The following ASXL2 variants were observed in gnomAD, a reference collection of about 807,000 sequenced individuals.
ASXL2 encodes the protein putative Polycomb group protein ASXL2.
ASXL2 carries 23 observed loss-of-function variants against 122.0 expected under a neutral mutation model. The ratio of observed to expected loss-of-function variants is 0.19; its 90% confidence interval spans 0.14 to 0.27. The LOEUF is 0.27. Ranked by LOEUF, ASXL2 falls within the 10% of genes least tolerant of loss-of-function variation. The pLI, the probability that ASXL2 is intolerant of heterozygous loss-of-function variation, is 1.00. For missense variants in ASXL2, 1,518 were observed against 1,713.8 expected, an observed-to-expected ratio of 0.89 and a Z score of 2.02; for synonymous variants, 650 against 637.0, an observed-to-expected ratio of 1.02 and a Z score of -0.31.
At chr2:25,868,553 A>C (rs1001232604) in intron 1 of ASXL2, among the ~76,000 whole-genome samples, 1 of 152,214 alleles carries the variant, frequency 6.6e-6, no homozygotes, top group Non-Finnish European at 1.5e-5. Context: ...GCAAGGTCAG[A>C]CTTAAGAATT....
At chr2:25,777,075 T>A (rs1168359776) in intron 5 of ASXL2, among the ~76,000 whole-genome samples, 1 of 152,166 alleles carries the variant, frequency 6.6e-6, no homozygotes, top group Admixed American at 6.5e-5. Context: ...TAACTACTAC[T>A]CTAACTTTTA....
chr2:25,870,248 G>A (rs926962375), intron 1 of ASXL2, among the ~76,000 whole-genome samples: 1 of 152,090 alleles, frequency 6.6e-6, no homozygotes, highest in Admixed American at 6.6e-5. Flanking sequence ...CCTGGTGGCC[G>A]GCGCAGTGGC....
intron 8 of ASXL2, among the ~76,000 whole-genome samples, chr2:25,761,111 T>TAA (rs1426231002): frequency 6.6e-6 from 1 of 152,050 alleles, no homozygotes; most frequent in East Asian, 1.9e-4. Flanking sequence ...AGCAAAAACA[T>TAA]AAATGACAGA....
At chr2:25,824,205 A>C (rs1304814290) in intron 3 of ASXL2, among the ~76,000 whole-genome samples, 1 of 152,022 alleles carries the variant, frequency 6.6e-6, no homozygotes, top group Non-Finnish European at 1.5e-5. Context: ...TTTCAATATA[A>C]AAGAAAAAAA....
Position 25,771,055 on chromosome 2 carries a change from G to A in ASXL2, c.504+385C>T, listed in dbSNP as rs1262397083. Among the ~76,000 whole-genome samples the A allele has an allele frequency of 2.6e-5, 4 of 152,044 alleles. 1 individual carries two copies. The highest frequency in any genetic ancestry group is 7.2e-5 in the African/African-American group (3 of 41,400). ...GATTGAGACCATCCTGGCCAACATG[G>A]TGAAACCCTGTCTCTACTAAAAATA... On this transcript the variant is annotated intron_variant, in intron 6 of 12. Transcript: ENST00000435504.
chr2:25,865,015 G>A (rs1435748043), intron 1 of ASXL2, among the ~76,000 whole-genome samples: 3 of 151,402 alleles, frequency 2.0e-5, no homozygotes, highest in Admixed American at 6.6e-5. Context: ...TAGAAAAGGG[G>A]TTTTGCCATG....
intron 4 of ASXL2, among the ~76,000 whole-genome samples, chr2:25,804,059 C>T (rs2089040481): frequency 6.6e-6 from 1 of 151,906 alleles, no homozygotes; most frequent in Non-Finnish European, 1.5e-5. Context: ...AGGTCTAGAA[C>T]AGCTAAAACC....
chr2:25,781,959 C>CTTTTTT (rs1327580113), intron 5 of ASXL2, among the ~76,000 whole-genome samples: 1,061 of 88,278 alleles, frequency 0.012, 198 homozygotes, highest in Non-Finnish European at 0.016. Flanking sequence ...ACCGCCCGGG[C>CTTTTTT]TTTTTTCTTT....
chr2:25,818,251 G>A (rs1574431769), intron 3 of ASXL2, among the ~76,000 whole-genome samples: 1 of 152,232 alleles, frequency 6.6e-6, no homozygotes, highest in South Asian at 2.1e-4. Flanking sequence ...GCTCACGCCT[G>A]TAATTCCAGC....
chr2:25,810,000 G>A, intron 3 of ASXL2: 2 of 537,710 alleles, frequency 3.7e-6, no homozygotes, highest in South Asian at 2.8e-5. Context: ...TACATTTTCA[G>A]TTTATCTTCC....
intron 3 of ASXL2, among the ~76,000 whole-genome samples, chr2:25,826,400 C>T (rs1174689154): frequency 1.3e-5 from 2 of 152,154 alleles, no homozygotes; most frequent in East Asian, 1.9e-4. Context: ...TCCAAAGAAT[C>T]TTTAATACAT....
intron 5 of ASXL2, among the ~76,000 whole-genome samples, chr2:25,786,299 A>G (rs2088745256): frequency 7.6e-6 from 1 of 131,912 alleles, no homozygotes; most frequent in Admixed American, 8.9e-5. Flanking sequence ...GGAGTGCAGT[A>G]GTGCAATTTT....
intron 2 of ASXL2, among the ~76,000 whole-genome samples, chr2:25,835,928 T>C (rs984718359): frequency 1.3e-5 from 2 of 152,244 alleles, no homozygotes; most frequent in African/African-American, 4.8e-5. Context: ...AGCTGTGGAC[T>C]TAAGGTTTAT....
chr2:25,757,459 A>C (rs1056964548), intron 9 of ASXL2, among the ~76,000 whole-genome samples: 1 of 149,910 alleles, frequency 6.7e-6, no homozygotes, highest in Non-Finnish European at 1.5e-5. Flanking sequence ...TAACATGGTG[A>C]AACCCCGTCT....
chr2:25,872,273 T>G (rs535423543), intron 1 of ASXL2, among the ~76,000 whole-genome samples: 58 of 152,196 alleles, frequency 3.8e-4, no homozygotes, highest in African/African-American at 1.3e-3. Context: ...TCCCAGCTAC[T>G]TGGGAGGCTG....
intron 3 of ASXL2, among the ~76,000 whole-genome samples, chr2:25,817,695 A>C (rs2089255173): frequency 6.6e-6 from 1 of 152,234 alleles, no homozygotes; most frequent in Non-Finnish European, 1.5e-5. Context: ...CATGCTATTA[A>C]AAACAAAACA....
intron 5 of ASXL2, among the ~76,000 whole-genome samples, chr2:25,784,637 G>T (rs2088708397): frequency 6.6e-6 from 1 of 152,150 alleles, no homozygotes; most frequent in Non-Finnish European, 1.5e-5. Context: ...TTAGTTTCTG[G>T]TAACATCCAG....
chr2:25,769,889 C>A (rs1010847239), intron 6 of ASXL2, among the ~76,000 whole-genome samples: 2 of 152,200 alleles, frequency 1.3e-5, no homozygotes. Flanking sequence ...AACAAATGAT[C>A]TCCTCACTCT....
chr2:25,758,684 T>TTG (rs1294405723), intron 9 of ASXL2, among the ~76,000 whole-genome samples: 2 of 151,724 alleles, frequency 1.3e-5, no homozygotes, highest in Non-Finnish European at 2.9e-5. Flanking sequence ...ACTTTTGTTT[T>TTG]TTTTTTTTTT....
Sources: gnomAD v4.1 joint callset for allele counts (sites outside exome capture counted in the v4.1 genomes callset) on GRCh38, gnomAD v4.1.1 for gene constraint, MANE v1.5 for transcripts, NCBI Gene and HGNC (gene_info 2026-07-23, HGNC 2026-07-21) for gene names.